DGKI: variants seen among roughly 807,000 people sequenced by gnomAD.
The protein encoded by DGKI is DAG kinase iota.
A neutral mutation model predicts 147.5 loss-of-function variants in DGKI; 55 were observed. The observed-to-expected ratio is 0.37, with a 90% confidence interval of 0.30 to 0.47. The LOEUF (loss-of-function observed/expected upper bound fraction) is 0.47. Among genes scored for constraint, DGKI ranks in the 20% least tolerant of loss-of-function variants. DGKI has a pLI of 1.00. For missense variants in DGKI, 1,007 were observed against 1,323.8 expected (o/e 0.76, Z 3.71); for synonymous variants, 469 against 477.1 (o/e 0.98, Z 0.22).
chr7:137,763,684 C>T (rs1283774755), intron 1 of DGKI, among the ~76,000 whole-genome samples: 1 of 152,212 alleles, frequency 6.6e-6, no homozygotes, highest in East Asian at 1.9e-4. Flanking sequence ...AGATTCTAAA[C>T]AGTAATTCTA....
chr7:137,724,229 G>A (rs1794655550), intron 1 of DGKI, among the ~76,000 whole-genome samples: 1 of 152,186 alleles, frequency 6.6e-6, no homozygotes, highest in African/African-American at 2.4e-5. Context: ...GGTGACAGGA[G>A]ATAAGGCTGG....
chr7:137,467,087 A>G, intron 24 of DGKI, 145 bp from the exon 25 acceptor site: 1 of 735,492 alleles, frequency 1.4e-6, no homozygotes, highest in Non-Finnish European at 2.3e-6. Flanking sequence ...TATTAAGAAA[A>G]CCTCAGCACT....
intron 5 of DGKI, 130 bp downstream of exon 5, chr7:137,654,602 G>A (rs1219905352): frequency 1.4e-6 from 1 of 709,118 alleles, no homozygotes; most frequent in Non-Finnish European, 2.5e-6. Flanking sequence ...TTATTGATGT[G>A]TTAACAAAAA....
chr7:137,502,974 G>A (rs1049945536), intron 21 of DGKI, among the ~76,000 whole-genome samples: 2 of 152,126 alleles, frequency 1.3e-5, no homozygotes, highest in Non-Finnish European at 2.9e-5. Flanking sequence ...TGTAAACAGG[G>A]AGGAAACATC....
At chr7:137,423,158 G>T (rs962925645) in intron 28 of DGKI, among the ~76,000 whole-genome samples, 1 of 152,152 alleles carries the variant, frequency 6.6e-6, no homozygotes, top group Non-Finnish European at 1.5e-5. Flanking sequence ...TCCTGAGAGG[G>T]TAAGAGAAAT....
chr7:137,510,203 A>G (rs1253354254), intron 21 of DGKI, among the ~76,000 whole-genome samples: 1 of 152,220 alleles, frequency 6.6e-6, no homozygotes, highest in Non-Finnish European at 1.5e-5. Context: ...TGTCCAACTG[A>G]ATATGTAAGT....
At chr7:137,749,406 T>C (rs541043316) in intron 1 of DGKI, among the ~76,000 whole-genome samples, 1 of 152,278 alleles carries the variant, frequency 6.6e-6, no homozygotes, top group African/African-American at 2.4e-5. Context: ...CTCAAACCAC[T>C]GGTCTCAGGC....
intron 21 of DGKI, among the ~76,000 whole-genome samples, chr7:137,518,554 C>A (rs1056272485): frequency 1.3e-5 from 2 of 152,028 alleles, no homozygotes; most frequent in Non-Finnish European, 2.9e-5. Context: ...TGATATACAA[C>A]AAATGTTAAT....
At chr7:137,572,719 G>T (rs778374577) in intron 18 of DGKI, 46 bp downstream of exon 18, 3 of 1,333,760 alleles carry the variant, frequency 2.2e-6, no homozygotes, top group Non-Finnish European at 3.1e-6. Context: ...ATAACCTCAA[G>T]TCAGAGTTCA....
chr7:137,819,849 C>T (rs763135229), intron 1 of DGKI, among the ~76,000 whole-genome samples: 10 of 152,168 alleles, frequency 6.6e-5, no homozygotes, highest in South Asian at 2.1e-4. Flanking sequence ...CTAGAATACA[C>T]CATGTTTTTT....
At chr7:137,581,202 C>T (rs1291092182) in intron 15 of DGKI, among the ~76,000 whole-genome samples, 1 of 152,002 alleles carries the variant, frequency 6.6e-6, no homozygotes, top group Non-Finnish European at 1.5e-5. Context: ...AAATTCTGTT[C>T]CCCTAATCTT....
At chr7:137,517,422 A>G (rs1816818385) in intron 21 of DGKI, among the ~76,000 whole-genome samples, 1 of 151,866 alleles carries the variant, frequency 6.6e-6, no homozygotes, top group Non-Finnish European at 1.5e-5. Flanking sequence ...AGAGAAAGAA[A>G]GAAAGATAAA....
At chr7:137,540,885 CAAATA>C (rs1817678719) in intron 20 of DGKI, among the ~76,000 whole-genome samples, 2 of 144,706 alleles carry the variant, frequency 1.4e-5, no homozygotes, top group African/African-American at 2.5e-5. Flanking sequence ...AAATGATGGA[CAAATA>C]AAATAAATGA....
At chr7:137,512,323 C>T (rs146935560) in intron 21 of DGKI, among the ~76,000 whole-genome samples, 1 of 152,228 alleles carries the variant, frequency 6.6e-6, no homozygotes, top group African/African-American at 2.4e-5. Flanking sequence ...CCATGAAGCC[C>T]TATGCAATGA....
At position 137,390,269 on chromosome 7, in the gene DGKI, G is replaced by A. The variant is rs1303117968; in HGVS notation, c.*951C>T. ...ACATTGTTAGAGTGCTCCATTTCCT[G>A]TAACCACAGTTCCCACACAGGATTA... On this transcript the variant is annotated 3_prime_UTR_variant, in exon 33 of 33. Transcript: ENST00000614521. 1 of 152,400 alleles carries A rather than the reference G, an allele frequency of 6.6e-6. No individual in the cohort carries two copies. The highest frequency in any genetic ancestry group is 2.4e-5 in the African/African-American group (1 of 41,382). The allele number at this position is 152,400 out of a possible 1,614,324, so 9.4% of individuals were successfully genotyped here.
chr7:137,475,907 T>TAA (rs1011233952), intron 23 of DGKI, among the ~76,000 whole-genome samples: 1 of 147,450 alleles, frequency 6.8e-6, no homozygotes, highest in Non-Finnish European at 1.5e-5. Context: ...GCTTGGTAAT[T>TAA]AAAAAAAAAA....
Position 137,667,792 on chromosome 7 carries a change from A to T in DGKI, c.606+10765T>A, listed in dbSNP as rs142611388. On this transcript the variant is annotated intron_variant, in intron 3 of 32. Coordinates refer to ENST00000614521, the MANE Select transcript of DGKI (RefSeq NM_001321708.2). ...CAATCTAGTCCAGGAAGACCCACAG[A>T]CATCTCAGTCATTGTTTACTCAACA... Among the ~76,000 whole-genome samples the T allele has an allele frequency of 6.7e-3, 1,026 of 152,316 alleles. 7 individuals carry two copies. The highest frequency in any genetic ancestry group is 0.011 in the Non-Finnish European group (718 of 68,022).
Position 137,824,232 on chromosome 7 carries a change from A to G in DGKI, c.401+22230T>C, listed in dbSNP as rs184346919. ...TGGGAGAGACTTTGAAAATGGAACT[A>G]TTGGCCAGGTGCAGCGGCTCACGCC... On this transcript the variant is annotated intron_variant, in intron 1 of 32. Coordinates refer to ENST00000614521, the MANE Select transcript of DGKI (RefSeq NM_001321708.2). Among the ~76,000 whole-genome samples, 43 of 152,324 alleles carry G rather than the reference A, an allele frequency of 2.8e-4. 1 individual carries two copies. Among genetic ancestry groups the G allele is most frequent in the African/African-American group, 9.9e-4 (41 of 41,592 alleles).
rs141204941 is a variant in DGKI, at chr7:137,844,926, G to A, written c.401+1536C>T. Among the ~76,000 whole-genome samples the A allele has an allele frequency of 6.6e-5, 10 of 152,252 alleles. No homozygotes were observed. In the East Asian group the frequency reaches 1.9e-3, roughly 29 times the overall value. ...TTCCAACTCACAGCTCCTAAATTAG[G>A]CTGAATGTAGTCCCTGTTCCCCCAG... On this transcript the variant is annotated intron_variant, in intron 1 of 32. Transcript: ENST00000614521.
Sources: allele counts gnomAD v4.1 joint callset (sites outside exome capture counted in the v4.1 genomes callset), GRCh38; gene constraint gnomAD v4.1.1; transcripts MANE v1.5; gene names NCBI Gene and HGNC (gene_info 2026-07-23, HGNC 2026-07-21).